KAT7: variants seen among roughly 807,000 people sequenced by gnomAD.
KAT7 encodes the protein lysine acetyltransferase 7.
KAT7 carries 10 observed loss-of-function variants against 82.1 expected under a neutral mutation model. The ratio of observed to expected loss-of-function variants is 0.12; its 90% CI spans 0.08 to 0.21. The LOEUF is 0.21. Ranked by LOEUF, KAT7 falls within the 10% of genes least tolerant of loss-of-function variation. The pLI, the probability that KAT7 is intolerant of heterozygous loss-of-function variation, is 1.00. For missense variants in KAT7, 378 were observed against 760.9 expected, an observed-to-expected ratio of 0.50 and a Z score of 5.92; for synonymous variants, 250 against 262.5, an observed-to-expected ratio of 0.95 and a Z score of 0.46.
intron 6 of KAT7, among the ~76,000 whole-genome samples, chr17:49,810,245 GTTTAA>G (rs1382795901): frequency 6.6e-6 from 1 of 152,056 alleles, no homozygotes; most frequent in Non-Finnish European, 1.5e-5. Context: ...TCTATCTTAG[GTTTAA>G]TTTAATTTAA....
chr17:49,809,699 T>TG (rs1040745349), intron 6 of KAT7, among the ~76,000 whole-genome samples: 1 of 152,216 alleles, frequency 6.6e-6, no homozygotes, highest in Non-Finnish European at 1.5e-5. Flanking sequence ...TCCTGCCACA[T>TG]TGGTTCACTT....
At position 49,805,315 on chromosome 17, in the gene KAT7, T is replaced by G. The variant is rs1418992008; in HGVS notation, c.581-48T>G. 3.0e-6 allele frequency: 4 copies of G among 1,319,672 alleles called. No individual in the cohort carries two copies. In the East Asian group the frequency reaches 9.2e-5, roughly 30 times the overall value. The allele number at this position is 1,319,672 out of a possible 1,614,324, so 81.7% of individuals were successfully genotyped here. A position where few individuals can be genotyped will look rare whatever the true frequency, so the allele number is the denominator to read the frequency against. Reference sequence around the variant, plus strand: ...TTTGTCTTAGAGAAACATACTACTTTCTAAGCTTGTCTTCTTTCTTGAGAT... The same window carrying G: ...TTTGTCTTAGAGAAACATACTACTTGCTAAGCTTGTCTTCTTTCTTGAGAT... On this transcript the variant is annotated intron_variant, in intron 4 of 14. Transcript: ENST00000259021.
intron 12 of KAT7, 182 bp downstream of exon 12, chr17:49,823,477 T>C (rs899215184): frequency 2.9e-5 from 16 of 555,894 alleles, no homozygotes; most frequent in Non-Finnish European, 3.9e-5. Context: ...ACATTGAACA[T>C]TGAAGGAGTA....
At chr17:49,827,182 G>T (rs2074378282) in intron 14 of KAT7, 4 of 549,478 alleles carry the variant, frequency 7.3e-6, no homozygotes, top group Admixed American at 3.3e-5. Context: ...TACAATAAAG[G>T]TCGGTGAGCG....
chr17:49,799,597 G>A (rs1351595383), intron 4 of KAT7, among the ~76,000 whole-genome samples: 2 of 152,146 alleles, frequency 1.3e-5, no homozygotes, highest in African/African-American at 2.4e-5. Context: ...GGCTGGTCTC[G>A]AACTCCTGAC....
chr17:49,829,113 G>A lies in KAT7; in HGVS notation c.*1611G>A, dbSNP rs187535172. 2 of 152,520 alleles carry A rather than the reference G, an allele frequency of 1.3e-5. No individual in the cohort carries two copies. The highest frequency in any genetic ancestry group is 2.4e-5 in the African/African-American group (1 of 41,484). The allele number at this position is 152,520 out of a possible 1,614,324, so 9.4% of individuals were successfully genotyped here. A position where few individuals can be genotyped will look rare whatever the true frequency, so the allele number is the denominator to read the frequency against. ...TCTGCTCAAGTCTGTTTCATCTGGG[G>A]GCTCTCATTTATATATGAAAATGAT... On this transcript the variant is annotated 3_prime_UTR_variant, in exon 15 of 15. Coordinates refer to ENST00000259021, the MANE Select transcript of KAT7 (RefSeq NM_007067.5).
chr17:49,815,742 A>G, intron 7 of KAT7, 61 bp from the exon 8 acceptor site: 1 of 985,756 alleles, frequency 1.0e-6, no homozygotes, highest in East Asian at 2.4e-5. Flanking sequence ...GAAATGAAAT[A>G]GATTAAAAAG....
At position 49,828,775 on chromosome 17, in the gene KAT7, C is replaced by T. The variant is rs2074397557; in HGVS notation, c.*1273C>T. On this transcript the variant is annotated 3_prime_UTR_variant, in exon 15 of 15. Coordinates refer to ENST00000259021, the MANE Select transcript of KAT7 (RefSeq NM_007067.5). ...GCAACTTTTGATGTATGACATGTCA[C>T]CCTTCCCAACTTGGTCTCCTCCAAC... 6.5e-6 allele frequency: 1 copy of T among 153,308 alleles called. No individual in the cohort carries two copies. Among genetic ancestry groups the T allele is most frequent in the Non-Finnish European group, 1.5e-5 (1 of 68,054 alleles). 9.5% of individuals were successfully genotyped at this position (153,308 alleles called of 1,614,324 possible). A position where few individuals can be genotyped will look rare whatever the true frequency, so the allele number is the denominator to read the frequency against.
intron 4 of KAT7, among the ~76,000 whole-genome samples, chr17:49,805,031 A>G (rs1038024823): frequency 1.3e-5 from 2 of 152,196 alleles, no homozygotes; most frequent in African/African-American, 2.4e-5. Flanking sequence ...GTTACATTCC[A>G]CCAAAAGAAA....
At position 49,796,807 on chromosome 17, in the gene KAT7, C is replaced by A; in HGVS notation, c.221C>A (p.Thr74Asn). The A allele has an allele frequency of 1.2e-6, 2 of 1,614,030 alleles. No individual in the cohort carries two copies. The highest frequency in any genetic ancestry group is 1.7e-6 in the Non-Finnish European group (2 of 1,179,986). Residue 74 changes from threonine to asparagine, a missense_variant, in exon 3 of 15, where the codon ACC becomes AAC. By Grantham distance (65) the Thr-to-Asn change is moderately conservative (BLOSUM62 0). This residue lies in a region of KAT7 where 161 missense variants were observed against 229.6 expected (regional missense o/e 0.70). Coordinates refer to ENST00000259021, the MANE Select transcript of KAT7 (RefSeq NM_007067.5). Reference sequence around the variant, plus strand: ...GGCACTGAGGAGCCTGCTTACTCTACCAGAAGAGTGACCCGTAGTCAGCAG... The same window carrying A: ...GGCACTGAGGAGCCTGCTTACTCTAACAGAAGAGTGACCCGTAGTCAGCAG... Reference protein sequence around the residue: ...SFGTEEPAYSTRRVTRSQQQP... With the variant: ...SFGTEEPAYSNRRVTRSQQQP...
In KAT7 at chr17:49,832,629, G is replaced by A. The variant is rs1159714169; in HGVS notation, c.*5127G>A. 1 of 152,180 alleles carries A rather than the reference G, an allele frequency of 6.6e-6. No individual in the cohort carries two copies. Among genetic ancestry groups the A allele is most frequent in the Non-Finnish European group, 1.5e-5 (1 of 68,038 alleles). The allele number at this position is 152,180 out of a possible 1,614,324, so 9.4% of individuals were successfully genotyped here. A position where few individuals can be genotyped will look rare whatever the true frequency, so the allele number is the denominator to read the frequency against. On this transcript the variant is annotated 3_prime_UTR_variant, in exon 15 of 15. Transcript: ENST00000259021. ...CCTTTTACCATACAACCCTCAACTA[G>A]TTTAGTGTGCTCAAGCTCAAATAAC... is the stretch of plus-strand genomic sequence containing the variant.
rs1050163753 is a variant in KAT7 at position 49,832,846 on chromosome 17, C to T, written c.*5344C>T. The T allele has an allele frequency of 6.6e-6, 1 of 152,204 alleles. No individual in the cohort carries two copies. The highest frequency in any genetic ancestry group is 6.5e-5 in the Admixed American group (1 of 15,286). The allele number at this position is 152,204 out of a possible 1,614,324, so 9.4% of individuals were successfully genotyped here. On this transcript the variant is annotated 3_prime_UTR_variant, in exon 15 of 15. Coordinates refer to ENST00000259021, the MANE Select transcript of KAT7 (RefSeq NM_007067.5). ...TAGTATGTGATGTGTGCTAGGACTT[C>T]TAGAAGCCACCCTTTGCTTTGCTGT...
chr17:49,801,112 T>TTAAC (rs1740175488), intron 4 of KAT7, among the ~76,000 whole-genome samples: 1 of 152,170 alleles, frequency 6.6e-6, no homozygotes, highest in Non-Finnish European at 1.5e-5. Context: ...TGCCCAGGAG[T>TTAAC]TAACCTCTTA....
intron 5 of KAT7, among the ~76,000 whole-genome samples, chr17:49,805,956 C>T (rs1036688104): frequency 3.3e-5 from 5 of 152,190 alleles, no homozygotes; most frequent in Non-Finnish European, 7.3e-5. Flanking sequence ...TTCTTGAAAC[C>T]TAGCTCCTAA....
intron 12 of KAT7, among the ~76,000 whole-genome samples, chr17:49,825,004 A>AT (rs1156435892): frequency 1.3e-5 from 2 of 150,588 alleles, no homozygotes; most frequent in African/African-American, 2.4e-5. Flanking sequence ...TTTTATTTTT[A>AT]TTTTTTTAAT....
chr17:49,820,263 T>TA (rs1174885926), intron 9 of KAT7, among the ~76,000 whole-genome samples: 2 of 152,102 alleles, frequency 1.3e-5, no homozygotes, highest in Non-Finnish European at 2.9e-5. Context: ...AACTTTTTTT[T>TA]ATACGTCTAT....
intron 4 of KAT7, among the ~76,000 whole-genome samples, chr17:49,802,608 A>C (rs1310615884): frequency 6.6e-6 from 1 of 151,730 alleles, no homozygotes; most frequent in East Asian, 1.9e-4. Flanking sequence ...TGGTGGTTGC[A>C]GTGAGCTGAG....
rs925305893 is a variant in KAT7, at chr17:49,788,707, A to C, written c.-128A>C. Reference sequence around the variant, plus strand: ...CAGAACGCTCCAGACGCTGAGAGGCAGGAGGCACTAGGGATCGTCCGCAGG... The same window carrying C: ...CAGAACGCTCCAGACGCTGAGAGGCCGGAGGCACTAGGGATCGTCCGCAGG... On this transcript the variant is annotated 5_prime_UTR_variant, in exon 1 of 15. Coordinates refer to ENST00000259021, the MANE Select transcript of KAT7 (RefSeq NM_007067.5). The C allele has an allele frequency of 3.0e-6, 3 of 995,820 alleles. No homozygotes were observed. Among genetic ancestry groups the C allele is most frequent in the Non-Finnish European group, 4.3e-6 (3 of 698,360 alleles). 61.7% of individuals were successfully genotyped at this position (995,820 alleles called of 1,614,324 possible). A position where few individuals can be genotyped will look rare whatever the true frequency, so the allele number is the denominator to read the frequency against.
chr17:49,823,570 CAG>C, intron 12 of KAT7: 1 of 332,292 alleles, frequency 3.0e-6, no homozygotes, highest in Non-Finnish European at 5.6e-6. Context: ...GACTTTTAAA[CAG>C]CACATACATG....
Sources: gnomAD v4.1 joint callset for allele counts (sites outside exome capture counted in the v4.1 genomes callset) on GRCh38, gnomAD v4.1.1 for gene constraint, gnomAD v4.1.1 regional missense constraint, MANE v1.5 for transcripts, NCBI Gene and HGNC (gene_info 2026-07-23, HGNC 2026-07-21) for gene names.